The following KLC2 variants were observed in gnomAD, a reference collection of about 807,000 sequenced individuals.
KLC2 encodes KLC 2.
A neutral mutation model predicts 75.1 loss-of-function variants in KLC2; 35 were observed. The observed-to-expected ratio is 0.47, with a 90% CI of 0.36 to 0.62. The LOEUF (loss-of-function observed/expected upper bound fraction) is 0.62. Ranked by LOEUF, KLC2 falls within the 20% of genes least tolerant of loss-of-function variation. KLC2 has a pLI of 0.00. For synonymous variants in KLC2, 314 were observed against 336.7 expected (o/e 0.93, Z 0.74); for missense variants, 611 against 833.2 (o/e 0.73, Z 3.28).
At chr11:66,256,418 G>A (rs988093440), upstream of KLC2, among the ~76,000 whole-genome samples, 8 of 152,012 alleles carry the variant, frequency 5.3e-5, no homozygotes, top group Admixed American at 5.2e-4. Flanking sequence ...GGTGAAACCC[G>A]TATCTACTAA....
intron 6 of KLC2, 31 bp downstream of exon 6, chr11:66,263,778 T>C (rs751484770): frequency 6.3e-7 from 1 of 1,598,508 alleles, no homozygotes; most frequent in East Asian, 2.2e-5. Flanking sequence ...AGGTGGGGGC[T>C]GTGCCCCATC....
chr11:66,259,888 C>G (rs972707954), intron 2 of KLC2: 4 of 152,158 alleles, frequency 2.6e-5, no homozygotes, highest in African/African-American at 9.7e-5. Flanking sequence ...GCATCACTCC[C>G]AAGTTTGTGA....
At chr11:66,266,340 C>T in intron 14 of KLC2, 93 bp from the exon 15 acceptor site, 1 of 1,483,970 alleles carries the variant, frequency 6.7e-7, no homozygotes, top group East Asian at 2.3e-5. Context: ...CACCACCCAC[C>T]AGTCTGTTCC....
chr11:66,267,597 A>G lies in KLC2; in HGVS notation c.*641A>G. 1 of 607,626 alleles carries G rather than the reference A, an allele frequency of 1.6e-6. No individual in the cohort carries two copies. Among genetic ancestry groups the G allele is most frequent in the Non-Finnish European group, 3.0e-6 (1 of 338,016 alleles). The allele number at this position is 607,626 out of a possible 1,614,324, so 37.6% of individuals were successfully genotyped here. ...TGGCCCAGGACGGGGACCTCCCCTTAGTCCGTCCTCCCACCGCCGGGCCCT... is the reference window on the plus strand; with the variant it reads ...TGGCCCAGGACGGGGACCTCCCCTTGGTCCGTCCTCCCACCGCCGGGCCCT... On this transcript the variant is annotated 3_prime_UTR_variant, in exon 16 of 16. Transcript: ENST00000394067.
the KLC2 span, among the ~76,000 whole-genome samples, chr11:66,246,571 C>T: frequency 6.6e-6 from 1 of 152,186 alleles, no homozygotes; most frequent in Non-Finnish European, 1.5e-5. Flanking sequence ...GGACTTTCCA[C>T]CCACTTACAT....
In KLC2 at chr11:66,265,867, C is replaced by A; in HGVS notation, c.1457C>A (p.Ala486Glu). 3 of 1,573,912 alleles carry A rather than the reference C, an allele frequency of 1.9e-6. No homozygotes were observed. Among genetic ancestry groups the A allele is most frequent in the Non-Finnish European group, 1.7e-6 (2 of 1,155,948 alleles). Reference sequence around the variant, plus strand: ...CCCCTCCCTCAGGGTTTGGACCCCGCAAGCCAGACCAAGGTGGTAGAACTG... The same window carrying A: ...CCCCTCCCTCAGGGTTTGGACCCCGAAAGCCAGACCAAGGTGGTAGAACTG... ...SRNRKQGLDPASQTKVVELLK... is the reference protein window; with the variant it reads ...SRNRKQGLDPESQTKVVELLK... The change falls in exon 13 of 16, where the codon GCA (alanine) becomes GAA (glutamate). Residue 486 changes from alanine to glutamate, a missense_variant. By Grantham distance (107) the Ala-to-Glu change is moderately radical (BLOSUM62 -1). Coordinates refer to ENST00000394067, the MANE Select transcript of KLC2 (RefSeq NM_001318734.2).
chr11:66,266,904 C>T lies in KLC2; in HGVS notation c.1817C>T (p.Thr606Ile). 1.2e-6 allele frequency: 2 copies of T among 1,613,610 alleles called. No individual in the cohort carries two copies. The highest frequency in any genetic ancestry group is 1.7e-6 in the Non-Finnish European group (2 of 1,180,022). ...GGCACAGGTCTCTCTGACAGCCGCA[C>T]TCTCAGCTCCAGCTCCATGGACCTC... is the stretch of plus-strand genomic sequence containing the variant. Reference protein sequence around the residue: ...PGGTGLSDSRTLSSSSMDLSR... With the variant: ...PGGTGLSDSRILSSSSMDLSR... Residue 606 changes from threonine (T) to isoleucine (I), a missense_variant, in exon 16 of 16, where the codon ACT (threonine) becomes ATT (isoleucine). Coordinates refer to ENST00000394067, the MANE Select transcript of KLC2 (RefSeq NM_001318734.2).
the KLC2 span, among the ~76,000 whole-genome samples, chr11:66,247,313 T>C: frequency 6.6e-6 from 1 of 152,258 alleles, no homozygotes; most frequent in African/African-American, 2.4e-5. Context: ...TTTTCAGAGC[T>C]GAGCAGATCG....
intron 3 of KLC2, 52 bp from the exon 4 acceptor site, chr11:66,262,071 C>T: frequency 1.3e-6 from 2 of 1,593,412 alleles, no homozygotes; most frequent in African/African-American, 1.3e-5. Context: ...CCATGGACAC[C>T]CCGGCTGCCC....
At chr11:66,254,789 G>A (rs1389161727), upstream of KLC2, among the ~76,000 whole-genome samples, 4 of 151,874 alleles carry the variant, frequency 2.6e-5, no homozygotes, top group Admixed American at 2.0e-4. Context: ...AGCCAGTGTG[G>A]TGGCATGCGC....
At chr11:66,245,888 G>C in the KLC2 span, among the ~76,000 whole-genome samples, 95 of 152,342 alleles carry the variant, frequency 6.2e-4, no homozygotes, top group African/African-American at 2.3e-3. Flanking sequence ...TCTCAAAAAA[G>C]AGAAGTGTCC....
Position 66,267,260 on chromosome 11 carries a change from G to C in KLC2, c.*304G>C. 7.3e-7 allele frequency: 1 copy of C among 1,368,122 alleles called. No homozygotes were observed. Among genetic ancestry groups the C allele is most frequent in the East Asian group, 2.5e-5 (1 of 40,082 alleles). 84.7% of individuals were successfully genotyped at this position (1,368,122 alleles called of 1,614,324 possible). On this transcript the variant is annotated 3_prime_UTR_variant, in exon 16 of 16. Transcript: ENST00000394067. Reference sequence around the variant, plus strand: ...AGTGGCCTGGCCTCCCCAGACCCCAGAGCCAAGAACACTAAGCACTCGCCG... The same window carrying C: ...AGTGGCCTGGCCTCCCCAGACCCCACAGCCAAGAACACTAAGCACTCGCCG...
chr11:66,255,449 A>G (rs373630105), upstream of KLC2, among the ~76,000 whole-genome samples: 162 of 152,328 alleles, frequency 1.1e-3, 4 homozygotes, highest in South Asian at 0.033. Context: ...TTGGCCTGAC[A>G]AAGTGCTGGG....
At chr11:66,246,699 TC>T in the KLC2 span, among the ~76,000 whole-genome samples, 1 of 152,310 alleles carries the variant, frequency 6.6e-6, no homozygotes, top group Non-Finnish European at 1.5e-5. Context: ...CTGTGTGTGT[TC>T]CCCGTCTCCA....
intron 2 of KLC2, among the ~76,000 whole-genome samples, chr11:66,260,321 A>G (rs1364240709): frequency 6.6e-6 from 1 of 151,126 alleles, no homozygotes; most frequent in Non-Finnish European, 1.5e-5. Flanking sequence ...AGGACCACTC[A>G]GGGGCCGCAC....
At chr11:66,251,738 C>T in the KLC2 span, among the ~76,000 whole-genome samples, 1 of 152,206 alleles carries the variant, frequency 6.6e-6, no homozygotes, top group Non-Finnish European at 1.5e-5. Context: ...TGCCATTGCA[C>T]TCCAGCCTGG....
At chr11:66,262,762 C>A in intron 4 of KLC2, 52 bp from the exon 5 acceptor site, 2 of 1,370,726 alleles carry the variant, frequency 1.5e-6, no homozygotes, top group Non-Finnish European at 1.0e-6. Context: ...CATGTGCCAT[C>A]CCAGTCCAGT....
At chr11:66,261,583 G>C (rs907843312) in intron 2 of KLC2, 159 bp from the exon 3 acceptor site, 6 of 597,864 alleles carry the variant, frequency 1.0e-5, no homozygotes, top group African/African-American at 3.7e-5. Context: ...GGGGCCTTGA[G>C]GAGATTCTCC....
At chr11:66,262,048 G>A in intron 3 of KLC2, 75 bp from the exon 4 acceptor site, 1 of 1,581,800 alleles carries the variant, frequency 6.3e-7, no homozygotes, top group Non-Finnish European at 8.7e-7. Context: ...AGCAGATTCG[G>A]CTCCACCCCA....
Sources: allele counts gnomAD v4.1 joint callset (sites outside exome capture counted in the v4.1 genomes callset), GRCh38; gene constraint gnomAD v4.1.1; transcripts MANE v1.5; gene names NCBI Gene and HGNC (gene_info 2026-07-23, HGNC 2026-07-21).